Variants in HS3ST4 observed in about 807,000 individuals in gnomAD.
HS3ST4 encodes heparan sulfate-glucosamine 3-sulfotransferase 4, also known as heparan sulfate glucosamine 3-O-sulfotransferase 4.
HS3ST4 carries 17 observed loss-of-function variants against 29.2 expected under a neutral mutation model. The observed-to-expected ratio is 0.58, with a 90% confidence interval of 0.40 to 0.87. HS3ST4 has a LOEUF of 0.87. Among genes scored for constraint, HS3ST4 ranks in the 40% least tolerant of loss-of-function variants. The probability of loss-of-function intolerance (pLI) is 0.00; values close to 1 mark genes in which losing one functional copy is unlikely to be tolerated. For synonymous variants in HS3ST4, 314 were observed against 285.7 expected (o/e 1.10, Z -1.00); for missense variants, 627 against 634.5 (o/e 0.99, Z 0.13).
At chr16:25,802,599 A>T (rs186945887) in intron 1 of HS3ST4, among the ~76,000 whole-genome samples, 1 of 152,104 alleles carries the variant, frequency 6.6e-6, no homozygotes, top group South Asian at 2.1e-4. Flanking sequence ...TAATTTTGGA[A>T]TCATGTTGTC....
At chr16:26,027,360 C>G (rs966339108) in intron 1 of HS3ST4, among the ~76,000 whole-genome samples, 1 of 152,182 alleles carries the variant, frequency 6.6e-6, no homozygotes, top group Non-Finnish European at 1.5e-5. Context: ...TACTTACATT[C>G]CATCTTAAAA....
chr16:26,085,901 T>TAATAATAATAATAAC (rs1898781076), intron 1 of HS3ST4, among the ~76,000 whole-genome samples: 1 of 74,366 alleles, frequency 1.3e-5, no homozygotes, highest in African/African-American at 4.4e-5. Context: ...ATAATAATAA[T>TAATAATAATAATAAC]AATAATAATA....
chr16:25,858,703 A>G (rs1967608417), intron 1 of HS3ST4, among the ~76,000 whole-genome samples: 2 of 151,880 alleles, frequency 1.3e-5, no homozygotes, highest in African/African-American at 2.4e-5. Flanking sequence ...CATGCTTTCT[A>G]CCTCTTCTTG....
chr16:26,076,827 T>A (rs750032178), intron 1 of HS3ST4, among the ~76,000 whole-genome samples: 12 of 152,204 alleles, frequency 7.9e-5, no homozygotes, highest in Non-Finnish European at 1.6e-4. Context: ...ATTCATGCAT[T>A]CATGCACATT....
intron 1 of HS3ST4, among the ~76,000 whole-genome samples, chr16:25,715,954 A>G (rs957667274): frequency 2.0e-5 from 3 of 152,224 alleles, no homozygotes; most frequent in African/African-American, 4.8e-5. Context: ...AGGACCTCTC[A>G]AAGCTCCTCT....
chr16:25,744,451 C>T (rs191595058), intron 1 of HS3ST4, among the ~76,000 whole-genome samples: 2 of 152,224 alleles, frequency 1.3e-5, no homozygotes, highest in Admixed American at 1.3e-4. Context: ...GTAGAAACAT[C>T]CTAAATAGCA....
At chr16:25,984,385 C>T (rs544714748) in intron 1 of HS3ST4, among the ~76,000 whole-genome samples, 2 of 152,272 alleles carry the variant, frequency 1.3e-5, no homozygotes, top group Admixed American at 6.5e-5. Flanking sequence ...GGTCCATGCT[C>T]CTATGAGAAT....
chr16:25,804,512 G>A (rs966026245), intron 1 of HS3ST4, among the ~76,000 whole-genome samples: 1 of 152,088 alleles, frequency 6.6e-6, no homozygotes, highest in Non-Finnish European at 1.5e-5. Flanking sequence ...CAAAGTCTGT[G>A]TTTTCTATGA....
At chr16:25,931,182 A>G (rs1177087936) in intron 1 of HS3ST4, among the ~76,000 whole-genome samples, 2 of 152,170 alleles carry the variant, frequency 1.3e-5, no homozygotes, top group African/African-American at 4.8e-5. Context: ...TTTCCCCAAC[A>G]AGCTGCCTTT....
chr16:25,908,787 G>T (rs1251432367), intron 1 of HS3ST4, among the ~76,000 whole-genome samples: 3 of 152,226 alleles, frequency 2.0e-5, no homozygotes, highest in South Asian at 2.1e-4. Context: ...AGCAAAAGTT[G>T]TAAGGAGCAA....
chr16:25,885,414 T>G (rs1046145472), intron 1 of HS3ST4, among the ~76,000 whole-genome samples: 2 of 152,178 alleles, frequency 1.3e-5, no homozygotes, highest in African/African-American at 2.4e-5. Flanking sequence ...TCTAAAACCC[T>G]CTAGGAAGCT....
At chr16:25,841,257 G>A (rs1266784486) in intron 1 of HS3ST4, among the ~76,000 whole-genome samples, 1 of 151,610 alleles carries the variant, frequency 6.6e-6, no homozygotes, top group Non-Finnish European at 1.5e-5. Context: ...CACCCTCCTC[G>A]GCCTCCCAAA....
At chr16:25,873,066 G>A (rs1967772791) in intron 1 of HS3ST4, among the ~76,000 whole-genome samples, 1 of 152,186 alleles carries the variant, frequency 6.6e-6, no homozygotes, top group African/African-American at 2.4e-5. Flanking sequence ...CACTGGCTGT[G>A]CACCTAGATT....
intron 1 of HS3ST4, among the ~76,000 whole-genome samples, chr16:25,721,967 T>G (rs2141589850): frequency 6.6e-6 from 1 of 152,328 alleles, no homozygotes; most frequent in South Asian, 2.1e-4. Context: ...GAGGCTTTTA[T>G]ACATCTTCCT....
intron 1 of HS3ST4, among the ~76,000 whole-genome samples, chr16:25,921,806 A>C (rs1272351994): frequency 1.3e-5 from 2 of 151,092 alleles, no homozygotes; most frequent in Non-Finnish European, 2.9e-5. Flanking sequence ...CCAGGCTAGA[A>C]TACAGTGTCT....
intron 1 of HS3ST4, among the ~76,000 whole-genome samples, chr16:25,992,072 G>T (rs1969119121): frequency 6.6e-6 from 1 of 152,176 alleles, no homozygotes; most frequent in South Asian, 2.1e-4. Flanking sequence ...GGCAAGGTTT[G>T]TAAAGTATCT....
At chr16:25,918,890 A>G (rs897468150) in intron 1 of HS3ST4, among the ~76,000 whole-genome samples, 1 of 152,178 alleles carries the variant, frequency 6.6e-6, no homozygotes, top group Non-Finnish European at 1.5e-5. Context: ...TATGTGTGTG[A>G]CATGGGACAG....
chr16:26,052,778 A>G (rs1898362700), intron 1 of HS3ST4, among the ~76,000 whole-genome samples: 1 of 151,866 alleles, frequency 6.6e-6, no homozygotes, highest in Non-Finnish European at 1.5e-5. Flanking sequence ...GTCCTCACCA[A>G]CTCTCATGCT....
chr16:25,718,080 G>A (rs139879397), intron 1 of HS3ST4, among the ~76,000 whole-genome samples: 1 of 152,302 alleles, frequency 6.6e-6, no homozygotes, highest in Non-Finnish European at 1.5e-5. Context: ...CAGGATGGGA[G>A]AATGATGGTT....
Sources: allele counts gnomAD v4.1 joint callset (sites outside exome capture counted in the v4.1 genomes callset), GRCh38; gene constraint gnomAD v4.1.1; transcripts MANE v1.5; gene names NCBI Gene and HGNC (gene_info 2026-07-23, HGNC 2026-07-21).